The following NFATC2 variants were observed in gnomAD, a reference collection of about 807,000 sequenced individuals.
NFATC2 encodes the protein nuclear factor of activated T-cells, cytoplasmic 2.
In NFATC2, 22 loss-of-function variants were observed where a neutral mutation model predicts 87.3. The ratio of observed to expected loss-of-function variants is 0.25; its 90% confidence interval spans 0.18 to 0.36. NFATC2 has a LOEUF of 0.36. Ranked by LOEUF, NFATC2 falls within the 10% of genes least tolerant of loss-of-function variation. The pLI, the probability that NFATC2 is intolerant of heterozygous loss-of-function variation, is 1.00. For missense variants in NFATC2, 1,149 were observed against 1,259.1 expected, an observed-to-expected ratio of 0.91 and a Z score of 1.32; for synonymous variants, 565 against 542.2, an observed-to-expected ratio of 1.04 and a Z score of -0.58.
chr20:51,560,039 C>G (rs985801280), intron 1 of NFATC2, among the ~76,000 whole-genome samples: 3 of 152,196 alleles, frequency 2.0e-5, no homozygotes, highest in African/African-American at 7.2e-5. Flanking sequence ...AGTACTGCAT[C>G]TCTTCAAAGA....
intron 9 of NFATC2, among the ~76,000 whole-genome samples, chr20:51,399,966 ATC>A (rs1987818534): frequency 6.6e-6 from 1 of 152,064 alleles, no homozygotes; most frequent in Non-Finnish European, 1.5e-5. Flanking sequence ...GCCAAAACCA[ATC>A]TCTGGATCCT....
At chr20:51,561,520 C>A (rs1193621960) in intron 1 of NFATC2, among the ~76,000 whole-genome samples, 2 of 135,072 alleles carry the variant, frequency 1.5e-5, no homozygotes, top group African/African-American at 5.6e-5. Context: ...AGCAAGCAAG[C>A]AAGCAAGCAA....
At chr20:51,507,723 T>C (rs1438094261) in intron 3 of NFATC2, among the ~76,000 whole-genome samples, 1 of 152,228 alleles carries the variant, frequency 6.6e-6, no homozygotes, top group African/African-American at 2.4e-5. Flanking sequence ...AGAGGCAGCA[T>C]GGGCCAGTGG....
intron 6 of NFATC2, among the ~76,000 whole-genome samples, chr20:51,448,003 T>A (rs1314696901): frequency 6.6e-6 from 1 of 151,860 alleles, no homozygotes; most frequent in African/African-American, 2.4e-5. Context: ...AGGGCTGGAG[T>A]GACAACTAAA....
In NFATC2 at chr20:51,412,762, C is replaced by T. The variant is rs576614349; in HGVS notation, c.2723-14032G>A. Reference sequence around the variant, plus strand: ...CTTCGGGAGGAGCAGGGAGTTGGAACGCAGCCCTCAGAACAGGGGTGCATG... The same window carrying T: ...CTTCGGGAGGAGCAGGGAGTTGGAATGCAGCCCTCAGAACAGGGGTGCATG... On this transcript the variant is annotated intron_variant, in intron 9 of 10. Coordinates refer to ENST00000371564, the MANE Select transcript of NFATC2 (RefSeq NM_012340.5). 6.6e-5 allele frequency among the ~76,000 whole-genome samples: 10 copies of T among 152,240 alleles called. No homozygotes were observed. The South Asian group carries it at 1.7e-3, about 25-fold the overall frequency.
chr20:51,421,136 A>G (rs990677115), intron 9 of NFATC2, among the ~76,000 whole-genome samples: 17 of 152,046 alleles, frequency 1.1e-4, no homozygotes, highest in South Asian at 2.1e-4. Flanking sequence ...TTACCAGGTA[A>G]TGAATATAAC....
At chr20:51,395,317 C>A (rs555638377) in intron 10 of NFATC2, among the ~76,000 whole-genome samples, 158 of 49,716 alleles carry the variant, frequency 3.2e-3, no homozygotes, top group African/African-American at 0.016. Flanking sequence ...ATTTAATTAA[C>A]TTGTATGGTA....
intron 4 of NFATC2, 115 bp from the exon 5 acceptor site, chr20:51,474,267 T>C: frequency 1.6e-6 from 2 of 1,253,974 alleles, no homozygotes; most frequent in Non-Finnish European, 2.2e-6. Context: ...TACACTCACA[T>C]AAGCATTTCA....
intron 5 of NFATC2, among the ~76,000 whole-genome samples, chr20:51,467,004 A>G (rs1192215261): frequency 6.7e-6 from 1 of 148,494 alleles, no homozygotes; most frequent in Non-Finnish European, 1.5e-5. Flanking sequence ...CCTGGGAGGT[A>G]GAGGTCACAG....
At chr20:51,481,568 G>A (rs1989259077) in intron 3 of NFATC2, among the ~76,000 whole-genome samples, 1 of 152,292 alleles carries the variant, frequency 6.6e-6, no homozygotes, top group Admixed American at 6.5e-5. Context: ...TGCTTCTAGT[G>A]CACACCGTGA....
intron 3 of NFATC2, among the ~76,000 whole-genome samples, chr20:51,507,289 G>A (rs1026383374): frequency 2.0e-5 from 3 of 152,180 alleles, no homozygotes; most frequent in African/African-American, 7.2e-5. Flanking sequence ...CTCACCATGT[G>A]GTTGCAAGGA....
intron 9 of NFATC2, among the ~76,000 whole-genome samples, chr20:51,411,671 G>A (rs948325587): frequency 6.6e-6 from 1 of 151,998 alleles, no homozygotes. Flanking sequence ...GGGATTACAG[G>A]CGTGTGCCAC....
chr20:51,421,358 C>A (rs532959256), intron 9 of NFATC2, among the ~76,000 whole-genome samples: 1 of 152,182 alleles, frequency 6.6e-6, no homozygotes, highest in African/African-American at 2.4e-5. Context: ...TCGAAGGCCC[C>A]GGCCGGATGC....
intron 3 of NFATC2, among the ~76,000 whole-genome samples, chr20:51,484,502 C>A (rs1989542501): frequency 1.3e-5 from 2 of 152,240 alleles, no homozygotes; most frequent in African/African-American, 4.8e-5. Context: ...GGTGCAGCCT[C>A]AATGCCTAGA....
At chr20:51,497,408 C>T (rs1016798626) in intron 3 of NFATC2, among the ~76,000 whole-genome samples, 5 of 152,210 alleles carry the variant, frequency 3.3e-5, no homozygotes, top group African/African-American at 7.2e-5. Context: ...GACATAGTCA[C>T]GGGGTTGCTT....
chr20:51,554,897 C>T (rs1176414639), intron 1 of NFATC2, among the ~76,000 whole-genome samples: 5 of 152,208 alleles, frequency 3.3e-5, no homozygotes, highest in Non-Finnish European at 5.9e-5. Flanking sequence ...GGAATCCAGG[C>T]GGGGCTGACA....
chr20:51,408,446 G>A (rs1391960779), intron 9 of NFATC2, among the ~76,000 whole-genome samples: 4 of 143,474 alleles, frequency 2.8e-5, no homozygotes, highest in Admixed American at 6.9e-5. Flanking sequence ...CCCAGGAGGC[G>A]TAGGTTGCAG....
chr20:51,433,705 G>A (rs1279084933), intron 8 of NFATC2, among the ~76,000 whole-genome samples: 4 of 152,090 alleles, frequency 2.6e-5, no homozygotes, highest in Non-Finnish European at 2.9e-5. Flanking sequence ...TGACAGGACT[G>A]TGACCAAGTG....
At chr20:51,494,953 G>A (rs1366270705) in intron 3 of NFATC2, among the ~76,000 whole-genome samples, 3 of 152,150 alleles carry the variant, frequency 2.0e-5, no homozygotes, top group African/African-American at 7.2e-5. Context: ...CACTTGGAAA[G>A]GAGGTCAGCA....
Sources: gnomAD v4.1 joint callset for allele counts (sites outside exome capture counted in the v4.1 genomes callset) on GRCh38, gnomAD v4.1.1 for gene constraint, MANE v1.5 for transcripts, NCBI Gene and HGNC (gene_info 2026-07-23, HGNC 2026-07-21) for gene names.